Variants in EYS observed in about 807,000 individuals in gnomAD.
EYS encodes the protein protein eyes shut homolog.
EYS carries 250 observed loss-of-function variants against 282.1 expected under a neutral mutation model. That is an observed-to-expected ratio of 0.89 (90% confidence interval 0.80 to 0.98). The LOEUF (loss-of-function observed/expected upper bound fraction) is 0.98. Ranked by LOEUF, EYS falls within the 50% of genes least tolerant of loss-of-function variation. EYS has a pLI of 0.00. For synonymous variants in EYS, 1,355 were observed against 1,282.9 expected, an observed-to-expected ratio of 1.06 and a Z score of -1.20; for missense variants, 4,016 against 3,709.0, an observed-to-expected ratio of 1.08 and a Z score of -2.15.
chr6:64,587,604 T>G (rs1766273327), intron 26 of EYS, among the ~76,000 whole-genome samples: 1 of 152,038 alleles, frequency 6.6e-6, no homozygotes, highest in South Asian at 2.1e-4. Flanking sequence ...TGTTAGATGT[T>G]AGGTGTACAA....
At chr6:64,933,398 G>A (rs1338740217) in intron 15 of EYS, among the ~76,000 whole-genome samples, 1 of 151,994 alleles carries the variant, frequency 6.6e-6, no homozygotes, top group Admixed American at 6.6e-5. Flanking sequence ...TATCATCACC[G>A]GTCATTAGAG....
chr6:64,027,886 G>A (rs1769611534), intron 33 of EYS, among the ~76,000 whole-genome samples: 2 of 152,128 alleles, frequency 1.3e-5, no homozygotes, highest in African/African-American at 4.8e-5. Context: ...ACTATTGAGG[G>A]CCAGGAAATT....
intron 12 of EYS, among the ~76,000 whole-genome samples, chr6:65,148,104 C>T (rs2150213233): frequency 6.6e-6 from 1 of 152,172 alleles, no homozygotes; most frequent in Non-Finnish European, 1.5e-5. Context: ...CCCAGCCCAT[C>T]CCAAATCTCA....
At chr6:63,877,402 G>A (rs1166835540) in intron 35 of EYS, among the ~76,000 whole-genome samples, 1 of 152,134 alleles carries the variant, frequency 6.6e-6, no homozygotes, top group African/African-American at 2.4e-5. Flanking sequence ...CGCCCTTAAT[G>A]TTTTTTTCCT....
intron 31 of EYS, among the ~76,000 whole-genome samples, chr6:64,196,746 G>A (rs1422345677): frequency 6.9e-6 from 1 of 145,338 alleles, no homozygotes; most frequent in Non-Finnish European, 1.5e-5. Context: ...GACTGTGGTG[G>A]GGTGGAGGGA....
chr6:65,032,713 C>T (rs2150144706), intron 13 of EYS, among the ~76,000 whole-genome samples: 1 of 151,698 alleles, frequency 6.6e-6, no homozygotes, highest in East Asian at 1.9e-4. Context: ...GTCTTGGGTT[C>T]TTTTTATAGC....
At chr6:65,474,313 C>A (rs1397216552) in intron 5 of EYS, among the ~76,000 whole-genome samples, 3 of 152,038 alleles carry the variant, frequency 2.0e-5, no homozygotes, top group Non-Finnish European at 4.4e-5. Flanking sequence ...TAACAAACTG[C>A]AGAAAGAGAA....
chr6:64,787,526 T>C (rs992375397), intron 22 of EYS, among the ~76,000 whole-genome samples: 2 of 151,828 alleles, frequency 1.3e-5, no homozygotes, highest in Non-Finnish European at 2.9e-5. Flanking sequence ...TTTGAAATGG[T>C]CTCATTATTC....
At chr6:64,894,590 C>T (rs1375794450) in intron 18 of EYS, among the ~76,000 whole-genome samples, 1 of 152,128 alleles carries the variant, frequency 6.6e-6, no homozygotes, top group Non-Finnish European at 1.5e-5. Context: ...AGTTATGTCA[C>T]AGACTCAGTC....
At chr6:64,213,301 C>T (rs1009399622) in intron 31 of EYS, among the ~76,000 whole-genome samples, 1 of 152,070 alleles carries the variant, frequency 6.6e-6, no homozygotes, top group Non-Finnish European at 1.5e-5. Flanking sequence ...CTTTCTAAAT[C>T]TTCATTGTTC....
chr6:65,614,017 G>A (rs1357645662), intron 2 of EYS, among the ~76,000 whole-genome samples: 1 of 151,916 alleles, frequency 6.6e-6, no homozygotes, highest in Non-Finnish European at 1.5e-5. Context: ...GCAACATGGT[G>A]TCCATGATTA....
At chr6:64,105,285 C>T (rs1772970696) in intron 31 of EYS, among the ~76,000 whole-genome samples, 1 of 152,038 alleles carries the variant, frequency 6.6e-6, no homozygotes, top group Admixed American at 6.6e-5. Flanking sequence ...ACTATTATCT[C>T]TGTTTTTGAA....
chr6:65,574,779 T>C (rs551320076), intron 2 of EYS, among the ~76,000 whole-genome samples: 1 of 152,176 alleles, frequency 6.6e-6, no homozygotes, highest in Admixed American at 6.5e-5. Flanking sequence ...CTAACAGACA[T>C]ATACAGAACA....
chr6:64,476,272 G>T (rs1395526995), intron 26 of EYS, among the ~76,000 whole-genome samples: 1 of 152,016 alleles, frequency 6.6e-6, no homozygotes, highest in East Asian at 1.9e-4. Context: ...TCTTTATATT[G>T]CATGCTTCTA....
intron 29 of EYS, among the ~76,000 whole-genome samples, chr6:64,345,888 G>A (rs979014244): frequency 1.7e-4 from 26 of 151,994 alleles, no homozygotes; most frequent in Admixed American, 4.6e-4. Context: ...AAAAGTGGGC[G>A]AAGGATATGA....
intron 8 of EYS, among the ~76,000 whole-genome samples, chr6:65,364,246 T>TG (rs944479871): frequency 1.4e-4 from 11 of 78,134 alleles, no homozygotes; most frequent in Non-Finnish European, 3.1e-4. Context: ...ATCAACTAAA[T>TG]GTTTTTTTTT....
chr6:64,109,394 T>G (rs148909442), intron 31 of EYS, among the ~76,000 whole-genome samples: 3,672 of 152,218 alleles, frequency 0.024, 133 homozygotes, highest in African/African-American at 0.083. Context: ...TTCTTTCATT[T>G]CTTTGAAACC....
chr6:64,007,589 T>C (rs930126484), intron 33 of EYS, among the ~76,000 whole-genome samples: 5 of 152,158 alleles, frequency 3.3e-5, no homozygotes, highest in African/African-American at 1.2e-4. Context: ...TGTTAAGTTG[T>C]TAATTTGAGA....
intron 11 of EYS, among the ~76,000 whole-genome samples, chr6:65,320,004 G>C (rs950567616): frequency 2.0e-5 from 3 of 151,800 alleles, no homozygotes; most frequent in African/African-American, 4.8e-5. Context: ...CCTCTAAAGA[G>C]AGTCTAGGTC....
Sources: allele counts gnomAD v4.1 joint callset (sites outside exome capture counted in the v4.1 genomes callset), GRCh38; gene constraint gnomAD v4.1.1; transcripts MANE v1.5; gene names NCBI Gene and HGNC (gene_info 2026-07-23, HGNC 2026-07-21).